Variants in CLYBL observed in about 807,000 individuals in gnomAD.
CLYBL encodes citramalyl-CoA lyase, mitochondrial.
A neutral mutation model predicts 38.9 loss-of-function variants in CLYBL; 31 were observed. The ratio of observed to expected loss-of-function variants is 0.80; its 90% CI spans 0.60 to 1.08. The LOEUF is 1.08. Among genes scored for constraint, CLYBL ranks in the 50% least tolerant of loss-of-function variants. CLYBL has a pLI of 0.00. For missense variants in CLYBL, 434 were observed against 411.6 expected (o/e 1.05, Z -0.47); for synonymous variants, 171 against 158.6 (o/e 1.08, Z -0.59).
At chr13:99,843,640 C>T (rs1594216301) in intron 2 of CLYBL, among the ~76,000 whole-genome samples, 2 of 148,260 alleles carry the variant, frequency 1.3e-5, no homozygotes, top group African/African-American at 5.0e-5. Flanking sequence ...CTTGCTCTGT[C>T]ACCCAGGCTG....
At chr13:99,688,506 TAAC>T (rs1351349449) in intron 1 of CLYBL, among the ~76,000 whole-genome samples, 1 of 152,190 alleles carries the variant, frequency 6.6e-6, no homozygotes, top group Non-Finnish European at 1.5e-5. Flanking sequence ...ATTTTACATA[TAAC>T]AAGTTGAACT....
intron 1 of CLYBL, among the ~76,000 whole-genome samples, chr13:99,647,179 T>C (rs987030611): frequency 6.6e-6 from 1 of 152,180 alleles, no homozygotes; most frequent in African/African-American, 2.4e-5. Context: ...AGTTTCTTCT[T>C]GAGAAATGCT....
chr13:99,869,124 C>T lies in CLYBL; in HGVS notation c.803-1814C>T, dbSNP rs1419609788. ...ATATATAAGATGTGACAAAAGAGAA[C>T]TTCACATATGAACGTTCACACATTT... On this transcript the variant is annotated intron_variant, in intron 6 of 8. Coordinates refer to ENST00000339105, the MANE Select transcript of CLYBL (RefSeq NM_206808.5). This position sits in a 1 kb window ranked among gnomAD's most constrained non-coding sequence, Gnocchi z 4.3. 1.3e-5 allele frequency among the ~76,000 whole-genome samples: 2 copies of T among 152,150 alleles called. No individual in the cohort carries two copies. The highest frequency in any genetic ancestry group is 2.9e-5 in the Non-Finnish European group (2 of 68,014).
chr13:99,731,137 C>T (rs1197732579), intron 1 of CLYBL, among the ~76,000 whole-genome samples: 1 of 149,492 alleles, frequency 6.7e-6, no homozygotes, highest in African/African-American at 2.5e-5. Context: ...AGGAGGGGTC[C>T]TGGTTTTGTT....
chr13:99,749,459 T>TAAA (rs1170382628), intron 1 of CLYBL, among the ~76,000 whole-genome samples: 1 of 152,176 alleles, frequency 6.6e-6, no homozygotes, highest in African/African-American at 2.4e-5. Context: ...CCGGTGCCCC[T>TAAA]GCTTTGTACC....
At chr13:99,807,225 C>G (rs992177644) in intron 2 of CLYBL, among the ~76,000 whole-genome samples, 1 of 152,192 alleles carries the variant, frequency 6.6e-6, no homozygotes, top group African/African-American at 2.4e-5. Flanking sequence ...AAAGTCCGGT[C>G]CACATCTATT....
intron 1 of CLYBL, among the ~76,000 whole-genome samples, chr13:99,626,516 G>A (rs1171895011): frequency 6.6e-6 from 1 of 152,146 alleles, no homozygotes; most frequent in African/African-American, 2.4e-5. Context: ...TGAACCCCTT[G>A]CCTTTCTCTT....
intron 7 of CLYBL, among the ~76,000 whole-genome samples, chr13:99,873,659 G>C (rs1382706964): frequency 7.0e-6 from 1 of 142,616 alleles, no homozygotes; most frequent in African/African-American, 2.5e-5. Flanking sequence ...TAAAGGTATA[G>C]CTGAAGTTCA....
At chr13:99,891,493 A>G (rs1469310411) in intron 8 of CLYBL, 56 bp downstream of exon 8, 14 of 960,610 alleles carry the variant, frequency 1.5e-5, no homozygotes, top group African/African-American at 3.2e-5. Flanking sequence ...ACTCAAAGCA[A>G]CTTGTTAGGA....
chr13:99,736,930 A>G lies in CLYBL; in HGVS notation c.63-35894A>G, dbSNP rs1485932912. On this transcript the variant is annotated intron_variant, in intron 1 of 8. Transcript: ENST00000339105. The stretch of plus-strand genomic sequence containing the variant: ...TGCCCAGTATCTATTTGTTGAATCA[A>G]TGAAATACTGACTAAAAATTGTCTA... Among the ~76,000 whole-genome samples the G allele has an allele frequency of 3.9e-5, 6 of 152,350 alleles. No homozygotes were observed. In the South Asian group the frequency reaches 1.0e-3, roughly 26 times the overall value.
intron 1 of CLYBL, among the ~76,000 whole-genome samples, chr13:99,762,347 G>A (rs1313985564): frequency 2.6e-5 from 4 of 152,106 alleles, no homozygotes; most frequent in African/African-American, 9.7e-5. Flanking sequence ...TTTTGTGTAT[G>A]GTGAGAGATA....
chr13:99,728,399 C>G (rs1326446325), intron 1 of CLYBL, among the ~76,000 whole-genome samples: 1 of 151,590 alleles, frequency 6.6e-6, no homozygotes, highest in Non-Finnish European at 1.5e-5. Context: ...CTGCCTCAGC[C>G]TCCCGAGTAG....
At chr13:99,900,021 G>GGTTCAAGCAATTCTCCTGC (rs2052623789), downstream of CLYBL, among the ~76,000 whole-genome samples, 1 of 151,964 alleles carries the variant, frequency 6.6e-6, no homozygotes, top group Non-Finnish European at 1.5e-5. Flanking sequence ...CTGCCTCCTG[G>GGTTCAAGCAATTCTCCTGC]GTTCAAGCAA....
rs2051900770 is a variant in CLYBL, at chr13:99,871,604, C to T, written c.927+542C>T. Among the ~76,000 whole-genome samples, 3 of 152,056 alleles carry T rather than the reference C, an allele frequency of 2.0e-5. 1 individual carries two copies. Among genetic ancestry groups the T allele is most frequent in the South Asian group, 4.2e-4 (2 of 4,810 alleles). On this transcript the variant is annotated intron_variant, in intron 7 of 8. Transcript: ENST00000339105. Reference sequence around the variant, plus strand: ...TGGAAAGCAAATTAACACTGGAGTACGGTTGTTCCTAATTTAGTGCATCAT... The same window carrying T: ...TGGAAAGCAAATTAACACTGGAGTATGGTTGTTCCTAATTTAGTGCATCAT...
chr13:99,788,653 A>G (rs1264129410), intron 2 of CLYBL, among the ~76,000 whole-genome samples: 1 of 152,104 alleles, frequency 6.6e-6, no homozygotes, highest in Non-Finnish European at 1.5e-5. Flanking sequence ...ATTTTGGTCT[A>G]AAGTTCTATT....
At chr13:99,652,745 G>A (rs2047273181) in intron 1 of CLYBL, among the ~76,000 whole-genome samples, 1 of 152,222 alleles carries the variant, frequency 6.6e-6, no homozygotes, top group Admixed American at 6.5e-5. Context: ...TCCATACTCA[G>A]GGAGAAGCCA....
intron 1 of CLYBL, among the ~76,000 whole-genome samples, chr13:99,661,978 A>G (rs2047415280): frequency 6.6e-6 from 1 of 152,186 alleles, no homozygotes; most frequent in African/African-American, 2.4e-5. Context: ...TTGTGAAGAG[A>G]GAAGGCAGTT....
chr13:99,694,539 T>G (rs1339296748), intron 1 of CLYBL, among the ~76,000 whole-genome samples: 1 of 152,204 alleles, frequency 6.6e-6, no homozygotes, highest in Non-Finnish European at 1.5e-5. Context: ...TCACATTTGG[T>G]TCCAGCAGGT....
At chr13:99,611,357 C>G (rs775317454) in intron 1 of CLYBL, among the ~76,000 whole-genome samples, 1 of 152,180 alleles carries the variant, frequency 6.6e-6, no homozygotes, top group Middle Eastern at 3.4e-3. Flanking sequence ...GAGTTTTGAT[C>G]GAGTGGATTT....
Sources: gnomAD v4.1 joint callset for allele counts (sites outside exome capture counted in the v4.1 genomes callset) on GRCh38, gnomAD v4.1.1 for gene constraint, Gnocchi (gnomAD v3.1) non-coding constraint, MANE v1.5 for transcripts, NCBI Gene and HGNC (gene_info 2026-07-23, HGNC 2026-07-21) for gene names.